Variants in SCAI observed in about 807,000 individuals in gnomAD.
SCAI encodes the protein protein SCAI.
SCAI carries 24 observed loss-of-function variants against 92.2 expected under a neutral mutation model. The observed-to-expected ratio is 0.26, with a 90% confidence interval of 0.19 to 0.37. SCAI has a LOEUF of 0.37. Ranked by LOEUF, SCAI falls within the 10% of genes least tolerant of loss-of-function variation. The probability of loss-of-function intolerance (pLI) is 1.00; values close to 1 mark genes in which losing one functional copy is unlikely to be tolerated. For missense variants in SCAI, 450 were observed against 736.2 expected, an observed-to-expected ratio of 0.61 and a Z score of 4.50; for synonymous variants, 261 against 258.6, an observed-to-expected ratio of 1.01 and a Z score of -0.09.
intron 17 of SCAI, among the ~76,000 whole-genome samples, chr9:124,962,269 C>G (rs1220737655): frequency 6.6e-6 from 1 of 151,012 alleles, no homozygotes; most frequent in Non-Finnish European, 1.5e-5. Flanking sequence ...AAGCAGTTCT[C>G]CTGTCTCAGC....
At chr9:125,000,905 G>T (rs539884258) in intron 12 of SCAI, among the ~76,000 whole-genome samples, 1 of 152,220 alleles carries the variant, frequency 6.6e-6, no homozygotes, top group Admixed American at 6.5e-5. Context: ...AAATGGAACA[G>T]CAACTGTGGG....
At chr9:125,057,365 G>C (rs1013774125) in intron 2 of SCAI, among the ~76,000 whole-genome samples, 6 of 152,092 alleles carry the variant, frequency 3.9e-5, no homozygotes, top group African/African-American at 1.4e-4. Context: ...TTACACAGGA[G>C]GAGAGAAAAA....
At chr9:125,065,896 G>T in intron 2 of SCAI, 1 of 652,304 alleles carries the variant, frequency 1.5e-6, no homozygotes. Context: ...TCACAATTAA[G>T]AAAAAGAAAC....
chr9:125,031,613 A>C (rs1299861858), intron 3 of SCAI, among the ~76,000 whole-genome samples: 1 of 152,166 alleles, frequency 6.6e-6, no homozygotes, highest in Non-Finnish European at 1.5e-5. Flanking sequence ...ATAAATCTAG[A>C]GATCAATTTG....
intron 5 of SCAI, 72 bp from the exon 6 acceptor site, chr9:125,026,982 A>T: frequency 1.2e-6 from 1 of 816,250 alleles, no homozygotes. Context: ...CTTGTTCTAT[A>T]TACCGCTGTA....
At chr9:125,087,246 T>C (rs11792279) in intron 2 of SCAI, among the ~76,000 whole-genome samples, 8 of 152,372 alleles carry the variant, frequency 5.3e-5, no homozygotes, top group East Asian at 1.9e-4. Context: ...AAATACCACA[T>C]GCCAGTAGCA....
At position 124,999,893 on chromosome 9, in the gene SCAI, G is replaced by A. The variant is rs746166482; in HGVS notation, c.1242C>T (p.His414=). 6.1e-6 allele frequency: 9 copies of A among 1,483,286 alleles called. No individual in the cohort carries two copies. The highest frequency in any genetic ancestry group is 1.2e-5 in the South Asian group (1 of 85,298). The allele number at this position is 1,483,286 out of a possible 1,614,324, so 91.9% of individuals were successfully genotyped here. A position where few individuals can be genotyped will look rare whatever the true frequency, so the allele number is the denominator to read the frequency against. ...AGAGTAGACACCAGAATACATACCA[G>A]TGCATTTCCTTGTGGGACTGATTTC... ...HKRNQSHKEM[H]CLHPGDLYPF... Residue 414 remains histidine, a splice_region_variant and synonymous_variant, in exon 13 of 18, where the codon CAC becomes CAT. Transcript: ENST00000336505.
chr9:124,992,174 T>C (rs373703982), intron 14 of SCAI, among the ~76,000 whole-genome samples: 2 of 152,166 alleles, frequency 1.3e-5, no homozygotes, highest in South Asian at 4.1e-4. Flanking sequence ...TGCCTTGGCC[T>C]CCCAAAGTGC....
chr9:125,034,158 G>A (rs1323546767), intron 3 of SCAI, among the ~76,000 whole-genome samples: 1 of 152,124 alleles, frequency 6.6e-6, no homozygotes, highest in Non-Finnish European at 1.5e-5. Context: ...GGAGGGAGCT[G>A]GCAAAATACA....
In SCAI at chr9:124,952,917, G is replaced by A; in HGVS notation, c.1711C>T (p.Pro571Ser). The A allele has an allele frequency of 6.2e-7, 1 of 1,613,632 alleles. No homozygotes were observed. The highest frequency in any genetic ancestry group is 8.5e-7 in the Non-Finnish European group (1 of 1,179,752). The change falls in exon 18 of 18, where the codon CCA (proline) becomes TCA (serine). Residue 571 changes from proline (P) to serine (S), a missense_variant. Transcript: ENST00000336505. ...GGATTCTCCACTGTTTCATCCCTTG[G>A]CAGTTGTGGATATGATTCTGGATAA... ...RNYPESYPQL[P>S]RDETVENPHL...
intron 2 of SCAI, among the ~76,000 whole-genome samples, chr9:125,133,957 A>T (rs1321912899): frequency 1.3e-5 from 2 of 152,164 alleles, no homozygotes; most frequent in Non-Finnish European, 2.9e-5. Context: ...ACAACCCAAA[A>T]TGTCTCCAGA....
intron 2 of SCAI, among the ~76,000 whole-genome samples, chr9:125,110,472 G>C (rs766528804): frequency 3.9e-4 from 59 of 152,158 alleles, no homozygotes; most frequent in Non-Finnish European, 3.1e-4. Context: ...GATATGGTTT[G>C]CATCTGTATC....
At chr9:125,105,149 T>C (rs1477344214) in intron 2 of SCAI, among the ~76,000 whole-genome samples, 7 of 151,676 alleles carry the variant, frequency 4.6e-5, no homozygotes. Context: ...CTGGCCAACA[T>C]AGTGAAACCC....
intron 9 of SCAI, chr9:125,003,786 G>T: frequency 2.0e-6 from 1 of 496,770 alleles, no homozygotes; most frequent in Non-Finnish European, 3.6e-6. Context: ...CCTATAATAA[G>T]CATTTTTTAT....
intron 2 of SCAI, among the ~76,000 whole-genome samples, chr9:125,101,684 A>G (rs1485240473): frequency 1.3e-5 from 2 of 152,194 alleles, no homozygotes; most frequent in Non-Finnish European, 2.9e-5. Context: ...ATTTAGTACC[A>G]CAAAATATGC....
At chr9:125,069,404 G>A (rs1180552585) in intron 2 of SCAI, among the ~76,000 whole-genome samples, 3 of 145,738 alleles carry the variant, frequency 2.1e-5, no homozygotes, top group Non-Finnish European at 3.0e-5. Context: ...TGCAAGCTCC[G>A]CCTCTGGGGT....
At chr9:124,972,832 T>C (rs1831685922) in intron 15 of SCAI, among the ~76,000 whole-genome samples, 1 of 152,218 alleles carries the variant, frequency 6.6e-6, no homozygotes, top group Non-Finnish European at 1.5e-5. Context: ...GCTTAGTATC[T>C]TTGCAGCTGG....
intron 2 of SCAI, among the ~76,000 whole-genome samples, chr9:125,134,762 C>T (rs1835483515): frequency 2.6e-5 from 4 of 152,184 alleles, no homozygotes; most frequent in South Asian, 2.1e-4. Context: ...CTGCAACCTC[C>T]GCCTCCCAGT....
At chr9:125,133,411 G>C (rs1202992358) in intron 2 of SCAI, among the ~76,000 whole-genome samples, 1 of 152,114 alleles carries the variant, frequency 6.6e-6, no homozygotes, top group Non-Finnish European at 1.5e-5. Context: ...AAAAGATTTT[G>C]CTTTTTTAAA....
Sources: allele counts gnomAD v4.1 joint callset (sites outside exome capture counted in the v4.1 genomes callset), GRCh38; gene constraint gnomAD v4.1.1; transcripts MANE v1.5; gene names NCBI Gene and HGNC (gene_info 2026-07-23, HGNC 2026-07-21).